Variants in NPIPB5 observed in about 807,000 individuals in gnomAD.
NPIPB5 encodes nuclear pore complex-interacting protein family member B5.
For synonymous variants in NPIPB5, 1 was observed against 168.2 expected (o/e 0.01, Z 7.69); for missense variants, 10 against 414.7 (o/e 0.02, Z 8.48).
At chr16:22,514,891 C>CACACACAT (rs2049787042) in intron 1 of NPIPB5, among the ~76,000 whole-genome samples, 2 of 43,828 alleles carry the variant, frequency 4.6e-5, no homozygotes, top group Admixed American at 2.8e-4. Context: ...CACACACACA[C>CACACACAT]ACACACACAT....
At chr16:22,510,735 G>C (rs1027481557), upstream of NPIPB5, among the ~76,000 whole-genome samples, 1 of 90,654 alleles carries the variant, frequency 1.1e-5, no homozygotes, top group Non-Finnish European at 1.9e-5. Flanking sequence ...TATGATAAAA[G>C]TCTGATGAAA....
chr16:22,534,593 T>A, exon 7 of NPIPB5: 1 of 1,605,014 alleles, frequency 6.2e-7, no homozygotes, highest in Non-Finnish European at 8.5e-7. Flanking sequence ...GCCGAGCGTC[T>A]GCGGGGGCCG....
chr16:22,514,835 T>TACACACAC lies in NPIPB5; in HGVS notation c.120+972_120+979dup, dbSNP rs776660903. 3.2e-3 allele frequency among the ~76,000 whole-genome samples: 70 copies of TACACACAC among 21,940 alleles called. 6 individuals are homozygous for TACACACAC. Among genetic ancestry groups the TACACACAC allele is most frequent in the Non-Finnish European group, 3.8e-3 (58 of 15,086 alleles). 14.4% of individuals were successfully genotyped at this position (21,940 alleles called of 152,430 possible). A position where few individuals can be genotyped will look rare whatever the true frequency, so the allele number is the denominator to read the frequency against. ...CTTTTATTTTTGAGATTTATATAGA[T>TACACACAC]ACACACACACACACACACACACACA... On this transcript the variant is annotated intron_variant, in intron 1 of 6. Transcript: ENST00000424340.
upstream of NPIPB5, among the ~76,000 whole-genome samples, chr16:22,510,704 G>A (rs1207335776): frequency 8.6e-5 from 7 of 81,306 alleles, no homozygotes; most frequent in African/African-American, 1.4e-4. Flanking sequence ...AACAGTAACT[G>A]TGGATGATGG....
upstream of NPIPB5, among the ~76,000 whole-genome samples, chr16:22,510,397 C>G (rs1465093635): frequency 2.9e-3 from 5 of 1,752 alleles, no homozygotes; most frequent in Non-Finnish European, 3.7e-3. Flanking sequence ...GGCCGAGGCG[C>G]GGAGATCACG....
At position 22,517,955 on chromosome 16, in the gene NPIPB5, G is replaced by A. The variant is rs1179287461; in HGVS notation, c.120+4034G>A. Among the ~76,000 whole-genome samples, 4 of 135,236 alleles carry A rather than the reference G, an allele frequency of 3.0e-5. 1 individual carries two copies. The highest frequency in any genetic ancestry group is 3.2e-5 in the Non-Finnish European group (2 of 62,254). The allele number at this position is 135,236 out of a possible 152,430, so 88.7% of individuals were successfully genotyped here. A position where few individuals can be genotyped will look rare whatever the true frequency, so the allele number is the denominator to read the frequency against. The stretch of plus-strand genomic sequence containing the variant: ...TTTTGAGACAGAGTCTCGCTCTGTC[G>A]CCTAGGCTGGAGTGCAGTGGTGCAA... On this transcript the variant is annotated intron_variant, in intron 1 of 6. Coordinates refer to ENST00000424340, the Ensembl canonical transcript of NPIPB5.
At chr16:22,517,833 C>G (rs1386995956) in intron 1 of NPIPB5, among the ~76,000 whole-genome samples, 5 of 115,222 alleles carry the variant, frequency 4.3e-5, no homozygotes, top group Non-Finnish European at 3.7e-5. Flanking sequence ...GCCACCATGC[C>G]CAGCCAAATC....
intron 1 of NPIPB5, among the ~76,000 whole-genome samples, chr16:22,517,901 C>T (rs1266151095): frequency 1.4e-5 from 2 of 139,684 alleles, no homozygotes; most frequent in African/African-American, 5.2e-5. Flanking sequence ...CTTTTGTTAA[C>T]CCTGTTTTTT....
intron 1 of NPIPB5, among the ~76,000 whole-genome samples, chr16:22,517,627 G>A (rs1363403702): frequency 1.8e-4 from 1 of 5,664 alleles, no homozygotes; most frequent in East Asian, 0.017. Context: ...TGCAACCTCC[G>A]CCTCCCGGGT....
intron 4 of NPIPB5, among the ~76,000 whole-genome samples, chr16:22,529,167 T>C (rs2049853245): frequency 1.1e-5 from 1 of 88,384 alleles, no homozygotes; most frequent in African/African-American, 4.4e-5. Flanking sequence ...ATTTTCACAG[T>C]CTTTCATGTT....
In NPIPB5 at chr16:22,517,877, A is replaced by G. The variant is rs368210700; in HGVS notation, c.120+3956A>G. On this transcript the variant is annotated intron_variant, in intron 1 of 6. Coordinates refer to ENST00000424340, the Ensembl canonical transcript of NPIPB5. ...GAACATGGCTGCAGCATATAAAAAG[A>G]ATTGAATTCCATACTTTTGTTAACC... is the stretch of plus-strand genomic sequence containing the variant. 9.5e-3 allele frequency among the ~76,000 whole-genome samples: 1,292 copies of G among 135,378 alleles called. 74 individuals are homozygous for G. The highest frequency in any genetic ancestry group is 0.046 in the South Asian group (182 of 3,984). 88.8% of individuals were successfully genotyped at this position (135,378 alleles called of 152,430 possible).
At chr16:22,517,492 C>T (rs1198292670) in intron 1 of NPIPB5, among the ~76,000 whole-genome samples, 1 of 1,268 alleles carries the variant, frequency 7.9e-4, no homozygotes, top group Non-Finnish European at 2.0e-3. Context: ...CTTACTTGGT[C>T]TCTCCTTTTA....
upstream of NPIPB5, among the ~76,000 whole-genome samples, chr16:22,510,844 A>G (rs1455587681): frequency 3.9e-5 from 3 of 76,922 alleles, no homozygotes; most frequent in African/African-American, 1.6e-4. Flanking sequence ...AGACTTTTAT[A>G]AATTTCATAC....
intron 1 of NPIPB5, among the ~76,000 whole-genome samples, chr16:22,514,903 T>C (rs1161336792): frequency 1.5e-3 from 41 of 26,756 alleles, no homozygotes; most frequent in Middle Eastern, 0.017. Context: ...CACACACATA[T>C]TTTTTGAGAC....
downstream of NPIPB5, chr16:22,536,453 AAAAAC>A (rs1488315884): frequency 0.01 from 1,362 of 132,006 alleles, 1 homozygote; most frequent in African/African-American, 0.047. Context: ...AAAAAATTCA[AAAAAC>A]AAAACAAAAC....
At chr16:22,510,583 A>G (rs1239105527), upstream of NPIPB5, among the ~76,000 whole-genome samples, 1 of 23,896 alleles carries the variant, frequency 4.2e-5, no homozygotes, top group Non-Finnish European at 6.0e-5. Context: ...AGATCCCACC[A>G]CTGCACTCCA....
intron 4 of NPIPB5, among the ~76,000 whole-genome samples, chr16:22,529,104 C>T (rs2049851919): frequency 3.5e-5 from 4 of 113,726 alleles, no homozygotes; most frequent in Non-Finnish European, 1.8e-5. Flanking sequence ...CAGTGTGAGC[C>T]ACCGCACCCA....
chr16:22,529,402 C>T (rs1272889135), intron 4 of NPIPB5, among the ~76,000 whole-genome samples: 1 of 149,558 alleles, frequency 6.7e-6, no homozygotes, highest in African/African-American at 2.4e-5. Context: ...CAGGGTATTT[C>T]CTGTCCACCT....
chr16:22,517,823 G>C (rs1339194298), intron 1 of NPIPB5, among the ~76,000 whole-genome samples: 1 of 108,828 alleles, frequency 9.2e-6, no homozygotes, highest in East Asian at 3.8e-4. Context: ...ACAGGCGTGA[G>C]CCACCATGCC....
Sources: allele counts gnomAD v4.1 joint callset (sites outside exome capture counted in the v4.1 genomes callset), GRCh38; gene constraint gnomAD v4.1.1; transcripts MANE v1.5; gene names NCBI Gene and HGNC (gene_info 2026-07-23, HGNC 2026-07-21).